Variants in PKP4 observed in about 807,000 individuals in gnomAD.
PKP4 encodes plakophilin 4.
PKP4 carries 90 observed loss-of-function variants against 145.1 expected under a neutral mutation model. That is an observed-to-expected ratio of 0.62 (90% confidence interval 0.52 to 0.74). PKP4 has a LOEUF of 0.74. Among genes scored for constraint, PKP4 ranks in the 30% least tolerant of loss-of-function variants. PKP4 has a pLI of 0.00. For synonymous variants in PKP4, 563 were observed against 577.2 expected, an observed-to-expected ratio of 0.98 and a Z score of 0.35; for missense variants, 1,340 against 1,482.7, an observed-to-expected ratio of 0.90 and a Z score of 1.58.
chr2:158,676,933 T>C, intron 20 of PKP4, 66 bp downstream of exon 20: 1 of 1,595,510 alleles, frequency 6.3e-7, no homozygotes, highest in Non-Finnish European at 8.6e-7. Context: ...GCTTGGCCAG[T>C]GGCCTGGGAA....
intron 2 of PKP4, among the ~76,000 whole-genome samples, chr2:158,550,030 C>CAG (rs1217131582): frequency 9.2e-6 from 1 of 109,142 alleles, no homozygotes; most frequent in Non-Finnish European, 2.5e-5. Context: ...GGGTCAGGCA[C>CAG]AGACGGAAGA....
At chr2:158,589,655 A>G (rs978755650) in intron 3 of PKP4, among the ~76,000 whole-genome samples, 1 of 152,184 alleles carries the variant, frequency 6.6e-6, no homozygotes, top group Admixed American at 6.5e-5. Context: ...TGTTGCCACT[A>G]ATGTACTTAG....
chr2:158,475,620 G>A (rs1168977439), intron 1 of PKP4, among the ~76,000 whole-genome samples: 1 of 152,152 alleles, frequency 6.6e-6, no homozygotes, highest in Non-Finnish European at 1.5e-5. Flanking sequence ...AAGTGCCAGT[G>A]GGTTATCCCT....
At chr2:158,642,743 C>T (rs1415588747) in intron 11 of PKP4, 44 bp downstream of exon 11, 1 of 1,442,738 alleles carries the variant, frequency 6.9e-7, no homozygotes, top group Non-Finnish European at 9.5e-7. Flanking sequence ...ATGTTGAAAA[C>T]AGTCTGGACT....
intron 7 of PKP4, 63 bp from the exon 8 acceptor site, chr2:158,631,690 T>C (rs895140128): frequency 1.5e-6 from 2 of 1,371,624 alleles, no homozygotes; most frequent in African/African-American, 2.9e-5. Context: ...TTAATTAGGG[T>C]TTATGTTTTT....
chr2:158,634,972 T>C (rs1380512886), intron 9 of PKP4, among the ~76,000 whole-genome samples: 1 of 152,232 alleles, frequency 6.6e-6, no homozygotes, highest in Non-Finnish European at 1.5e-5. Flanking sequence ...CCATTTAAAA[T>C]ATTCAGGAAA....
rs554313463 is a variant in PKP4, at chr2:158,474,302, T to C, written c.-6+17084T>C. On this transcript the variant is annotated intron_variant, in intron 1 of 21. Transcript: ENST00000389759. Reference sequence around the variant, plus strand: ...TCTTTCTGTAATCAGTAATGACATTTTGGGATCCCTGAGGCTCACTTGCTG... The same window carrying C: ...TCTTTCTGTAATCAGTAATGACATTCTGGGATCCCTGAGGCTCACTTGCTG... 2.0e-5 allele frequency among the ~76,000 whole-genome samples: 3 copies of C among 152,332 alleles called. No individual in the cohort carries two copies. The East Asian group carries it at 5.8e-4, about 29-fold the overall frequency.
chr2:158,589,996 T>G (rs1363025612), intron 3 of PKP4, among the ~76,000 whole-genome samples: 1 of 151,996 alleles, frequency 6.6e-6, no homozygotes. Flanking sequence ...GGGATGGGGG[T>G]GGGGGACAAA....
chr2:158,515,492 C>T (rs1332294165), intron 1 of PKP4, among the ~76,000 whole-genome samples: 1 of 152,014 alleles, frequency 6.6e-6, no homozygotes, highest in Admixed American at 6.6e-5. Context: ...GGTACTCAGC[C>T]TTCAGCAAAA....
At chr2:158,576,329 A>G (rs11688612) in intron 2 of PKP4, among the ~76,000 whole-genome samples, 30,361 of 152,210 alleles carry the variant, frequency 0.2, 3,902 homozygotes, top group Middle Eastern at 0.36. Context: ...TATGTCTGGT[A>G]TTTTGAACTA....
chr2:158,493,752 T>A (rs568391964), intron 1 of PKP4, among the ~76,000 whole-genome samples: 4 of 152,328 alleles, frequency 2.6e-5, no homozygotes, highest in Admixed American at 2.0e-4. Flanking sequence ...GTTTTGTGAG[T>A]GCTGCTCACT....
intron 1 of PKP4, among the ~76,000 whole-genome samples, chr2:158,496,877 A>G (rs1412458162): frequency 4.0e-5 from 6 of 151,404 alleles, no homozygotes; most frequent in African/African-American, 1.2e-4. Context: ...CTCTCAAATA[A>G]CCTATTATGA....
intron 1 of PKP4, among the ~76,000 whole-genome samples, chr2:158,532,137 T>C (rs2043608984): frequency 6.6e-6 from 1 of 152,180 alleles, no homozygotes; most frequent in Non-Finnish European, 1.5e-5. Context: ...AGCTATAGAA[T>C]TGAAGACTGT....
intron 2 of PKP4, among the ~76,000 whole-genome samples, chr2:158,572,538 G>A (rs1559341190): frequency 6.6e-6 from 1 of 152,160 alleles, no homozygotes; most frequent in South Asian, 2.1e-4. Context: ...CATGCCACAG[G>A]CATTTGAGGA....
intron 4 of PKP4, among the ~76,000 whole-genome samples, chr2:158,609,672 A>G (rs977574817): frequency 6.6e-6 from 1 of 152,194 alleles, no homozygotes; most frequent in Non-Finnish European, 1.5e-5. Context: ...TATTCTGTTG[A>G]AATGTGGTAA....
At position 158,666,567 on chromosome 2, in the gene PKP4, T is replaced by A. The variant is rs775839662; in HGVS notation, c.2728+4T>A. The A allele has an allele frequency of 6.3e-7, 1 of 1,593,060 alleles. No individual in the cohort carries two copies. The highest frequency in any genetic ancestry group is 1.8e-5 in the Admixed American group (1 of 54,626). On this transcript the variant is annotated splice_donor_region_variant and intron_variant, in intron 16 of 21. Transcript: ENST00000389759. ...GTTCGCAACAAGGAGCTCATAGGTA[T>A]GTTCTGGTGACAAGATGAGCTGTAA...
intron 1 of PKP4, among the ~76,000 whole-genome samples, chr2:158,464,698 T>C (rs1283276892): frequency 1.3e-5 from 2 of 152,212 alleles, no homozygotes; most frequent in South Asian, 2.1e-4. Context: ...TTGTAAACAC[T>C]CATGTAAAAT....
At chr2:158,674,316 G>A (rs1339093457) in intron 19 of PKP4, among the ~76,000 whole-genome samples, 2 of 152,332 alleles carry the variant, frequency 1.3e-5, no homozygotes, top group South Asian at 4.1e-4. Context: ...TGAGAGTGGA[G>A]GGCCACACTT....
chr2:158,528,289 A>G (rs1376217235), intron 1 of PKP4, among the ~76,000 whole-genome samples: 6 of 148,244 alleles, frequency 4.0e-5, no homozygotes, highest in Non-Finnish European at 7.5e-5. Flanking sequence ...CATATACACC[A>G]TGGAATACTA....
Sources: gnomAD v4.1 joint callset for allele counts (sites outside exome capture counted in the v4.1 genomes callset) on GRCh38, gnomAD v4.1.1 for gene constraint, MANE v1.5 for transcripts, NCBI Gene and HGNC (gene_info 2026-07-23, HGNC 2026-07-21) for gene names.